The following APC variants were observed in gnomAD, a reference collection of about 807,000 sequenced individuals.
The protein encoded by APC is APC regulator of Wnt signaling pathway.
A neutral mutation model predicts 247.0 loss-of-function variants in APC; 72 were observed. The ratio of observed to expected loss-of-function variants is 0.29; its 90% CI spans 0.24 to 0.35. The LOEUF (loss-of-function observed/expected upper bound fraction) is 0.35, where lower values mean the gene tolerates loss of function less well. APC is among the 10% of genes least tolerant of loss of function. The pLI, the probability that APC is intolerant of heterozygous loss-of-function variation, is 1.00. For synonymous variants in APC, 1,254 were observed against 1,162.5 expected, an observed-to-expected ratio of 1.08 and a Z score of -1.60; for missense variants, 3,400 against 3,360.7, an observed-to-expected ratio of 1.01 and a Z score of -0.29.
At chr5:112,780,621 A>G (rs1463206826) in intron 5 of APC, among the ~76,000 whole-genome samples, 169 bp from the exon 6 acceptor site, 1 of 152,182 alleles carries the variant, frequency 6.6e-6, no homozygotes, top group East Asian at 1.9e-4. Flanking sequence ...TGAGTCTGAC[A>G]CCTATAATCA....
intron 15 of APC, 101 bp from the exon 16 acceptor site, chr5:112,837,452 T>C (rs988641562): frequency 1.2e-6 from 1 of 805,588 alleles, no homozygotes; most frequent in African/African-American, 1.7e-5. Context: ...TATAGGATAA[T>C]TGGTACAATC....
chr5:112,759,013 T>A (rs1473764169), intron 2 of APC, among the ~76,000 whole-genome samples: 1 of 152,202 alleles, frequency 6.6e-6, no homozygotes, highest in Non-Finnish European at 1.5e-5. Flanking sequence ...GAATTATCTA[T>A]AGGCAAGTTA....
intron 5 of APC, among the ~76,000 whole-genome samples, chr5:112,780,162 A>G (rs1758165790): frequency 6.6e-6 from 1 of 152,154 alleles, no homozygotes; most frequent in Non-Finnish European, 1.5e-5. Context: ...ATGAGTTATT[A>G]CCCATTCTGA....
chr5:112,752,830 G>C (rs189667183), intron 1 of APC, among the ~76,000 whole-genome samples: 20 of 152,158 alleles, frequency 1.3e-4, no homozygotes, highest in Non-Finnish European at 2.9e-4. Flanking sequence ...TTCTAGAGCA[G>C]AAAGAACTTT....
rs777788406 is a variant in APC, at chr5:112,841,025, T to G, written c.5431T>G (p.Ser1811Ala). 2 of 1,610,992 alleles carry G rather than the reference T, an allele frequency of 1.2e-6. No homozygotes were observed. Among genetic ancestry groups the G allele is most frequent in the Admixed American group, 3.3e-5 (2 of 59,974 alleles). ...AERVFSDNKD[S>A]KKQNLKNNSK... ...GAGAGTTTTCTCAGACAACAAAGAT[T>G]CAAAGAAACAGAATTTGAAAAATAA... is the stretch of plus-strand genomic sequence containing the variant. Residue 1811 changes from serine to alanine, a missense_variant, in exon 16 of 16, where the codon TCA becomes GCA. Transcript: ENST00000257430. This position sits in a 1 kb window ranked among gnomAD's most constrained non-coding sequence, Gnocchi z 4.6.
intron 2 of APC, among the ~76,000 whole-genome samples, chr5:112,763,358 G>T (rs1581149342): frequency 1.2e-5 from 1 of 83,904 alleles, no homozygotes; most frequent in East Asian, 5.4e-4. Context: ...ATCATATTTT[G>T]CAGGTTTTTT....
upstream of APC, among the ~76,000 whole-genome samples, chr5:112,736,276 G>A (rs1346131674): frequency 2.0e-5 from 3 of 152,112 alleles, no homozygotes; most frequent in East Asian, 5.8e-4. Flanking sequence ...AAGGGAAATT[G>A]TTTCTAAATA....
At chr5:112,770,311 A>G (rs1056957835) in intron 4 of APC, among the ~76,000 whole-genome samples, 3 of 152,170 alleles carry the variant, frequency 2.0e-5, no homozygotes, top group African/African-American at 7.2e-5. Context: ...CTTAAATGCA[A>G]TGATCCCCAT....
intron 11 of APC, among the ~76,000 whole-genome samples, chr5:112,824,395 AT>A (rs1348547219): frequency 1.3e-5 from 2 of 152,182 alleles, no homozygotes; most frequent in Non-Finnish European, 2.9e-5. Flanking sequence ...AAATCTTTTC[AT>A]TTGCCTGAAA....
chr5:112,770,073 G>A (rs986360574), intron 4 of APC, among the ~76,000 whole-genome samples: 3 of 152,050 alleles, frequency 2.0e-5, no homozygotes, highest in African/African-American at 7.2e-5. Context: ...GCTTTATGTA[G>A]GCAAAGTCCT....
intron 2 of APC, among the ~76,000 whole-genome samples, chr5:112,765,676 C>T (rs1412084922): frequency 1.3e-5 from 2 of 150,486 alleles, no homozygotes; most frequent in Non-Finnish European, 3.0e-5. Flanking sequence ...GCAATAAGAG[C>T]CAAAGTTCAC....
At chr5:112,725,984 C>G (rs930289473) in intron 1 of APC, among the ~76,000 whole-genome samples, 1 of 152,166 alleles carries the variant, frequency 6.6e-6, no homozygotes, top group Admixed American at 6.5e-5. Context: ...ACCCCTGTTG[C>G]AGGATGTGCA....
chr5:112,817,916 A>G (rs1190204746), intron 9 of APC, among the ~76,000 whole-genome samples: 1 of 152,204 alleles, frequency 6.6e-6, no homozygotes, highest in African/African-American at 2.4e-5. Flanking sequence ...CCGCAGTCCT[A>G]TACTGCCTTC....
chr5:112,712,839 G>A (rs1581008429), intron 1 of APC, among the ~76,000 whole-genome samples: 2 of 152,000 alleles, frequency 1.3e-5, no homozygotes, highest in African/African-American at 4.8e-5. Context: ...GTTTAGTTAG[G>A]CCCCCAAGTT....
Position 112,839,238 on chromosome 5 carries a change from G to C in APC, c.3644G>C (p.Ser1215Thr). The stretch of plus-strand genomic sequence containing the variant: ...AAAACCGAACATATGTCTTCAAGCA[G>C]TGAGAATACGTCCACACCTTCATCT... ...SSKTEHMSSS[S>T]ENTSTPSSNA... The change falls in exon 16 of 16, where the codon AGT (serine) becomes ACT (threonine). Residue 1215 changes from serine to threonine, a missense_variant. Ser to Thr is a moderately conservative substitution (Grantham distance 58, BLOSUM62 1). Around this residue, in one of 9 missense-constraint regions of APC, gnomAD observed 715 missense variants for 656.6 expected, o/e 1.09. Transcript: ENST00000257430. This position sits in a 1 kb window ranked among gnomAD's most constrained non-coding sequence, Gnocchi z 5.0. 1 of 1,614,162 alleles carries C rather than the reference G, an allele frequency of 6.2e-7. No individual in the cohort carries two copies. The highest frequency in any genetic ancestry group is 2.2e-5 in the East Asian group (1 of 44,874).
rs1391922278 is a variant in APC at position 112,843,361 on chromosome 5, A to G, written c.7767A>G (p.Glu2589=). The change falls in exon 16 of 16, where the codon GAA becomes GAG. Residue 2589 remains glutamate (E), a synonymous_variant. Transcript: ENST00000257430. The surrounding 1 kb of genome is among the most constrained non-coding windows in gnomAD (Gnocchi z 4.8). ...ESSEKAKSED[E]KHVNSISGTK... is the part of the protein sequence containing the mutation. ...GTGAAAAAGCAAAAAGTGAGGATGAAAAACATGTGAACTCTATTTCAGGAA... is the reference window on the plus strand; with the variant it reads ...GTGAAAAAGCAAAAAGTGAGGATGAGAAACATGTGAACTCTATTTCAGGAA... 2 of 1,614,004 alleles carry G rather than the reference A, an allele frequency of 1.2e-6. No homozygotes were observed. Among genetic ancestry groups the G allele is most frequent in the Non-Finnish European group, 1.7e-6 (2 of 1,179,918 alleles).
At chr5:112,809,932 G>C (rs1014743230) in intron 8 of APC, among the ~76,000 whole-genome samples, 2 of 152,128 alleles carry the variant, frequency 1.3e-5, no homozygotes, top group Non-Finnish European at 2.9e-5. Flanking sequence ...AGGAGGGAGA[G>C]GTTGCAGTGA....
intron 9 of APC, among the ~76,000 whole-genome samples, chr5:112,818,541 A>G (rs1013695136): frequency 1.3e-5 from 2 of 152,200 alleles, no homozygotes; most frequent in African/African-American, 4.8e-5. Context: ...GCTTATAGGT[A>G]TAGATTAAAA....
At chr5:112,710,604 A>T (rs1192516318) in intron 1 of APC, among the ~76,000 whole-genome samples, 3 of 152,068 alleles carry the variant, frequency 2.0e-5, no homozygotes, top group African/African-American at 7.3e-5. Context: ...GTGCTGTTCA[A>T]CTCTAGGAGG....
Sources: gnomAD v4.1 joint callset for allele counts (sites outside exome capture counted in the v4.1 genomes callset) on GRCh38, gnomAD v4.1.1 for gene constraint, gnomAD v4.1.1 regional missense constraint, Gnocchi (gnomAD v3.1) non-coding constraint, MANE v1.5 for transcripts, NCBI Gene and HGNC (gene_info 2026-07-23, HGNC 2026-07-21) for gene names.